The following ZNF236 variants were observed in gnomAD, a reference collection of about 807,000 sequenced individuals.
The protein encoded by ZNF236 is regulated by glucose.
A neutral mutation model predicts 191.2 loss-of-function variants in ZNF236; 50 were observed. The observed-to-expected ratio is 0.26, with a 90% CI of 0.21 to 0.33. The LOEUF (loss-of-function observed/expected upper bound fraction) is 0.33. Ranked by LOEUF, ZNF236 falls within the 10% of genes least tolerant of loss-of-function variation. The pLI, the probability that ZNF236 is intolerant of heterozygous loss-of-function variation, is 1.00. For synonymous variants in ZNF236, 907 were observed against 928.8 expected (o/e 0.98, Z 0.43); for missense variants, 1,754 against 2,374.5 (o/e 0.74, Z 5.43).
intron 27 of ZNF236, among the ~76,000 whole-genome samples, chr18:76,951,668 G>T (rs1474744871): frequency 6.6e-6 from 1 of 152,210 alleles, no homozygotes; most frequent in Non-Finnish European, 1.5e-5. Context: ...GGGCTCACTG[G>T]ATAACACTTT....
chr18:76,956,188 C>G lies in ZNF236; in HGVS notation c.5112+6C>G. 1 of 1,544,694 alleles carries G rather than the reference C, an allele frequency of 6.5e-7. No homozygotes were observed. Among genetic ancestry groups the G allele is most frequent in the Non-Finnish European group, 8.7e-7 (1 of 1,147,622 alleles). On this transcript the variant is annotated splice_donor_region_variant and intron_variant, in intron 28 of 30. Coordinates refer to ENST00000320610, the MANE Select transcript of ZNF236 (RefSeq NM_001306089.2). Reference sequence around the variant, plus strand: ...AGCGCGCCACGCACCTCAAGGTAGGCCCACTGTGCCAGGGCACAGCTGTGT... The same window carrying G: ...AGCGCGCCACGCACCTCAAGGTAGGGCCACTGTGCCAGGGCACAGCTGTGT...
Position 76,937,277 on chromosome 18 carries a change from G to A in ZNF236, c.4716G>A (p.Thr1572=), listed in dbSNP as rs531156395. 17 of 1,614,134 alleles carry A rather than the reference G, an allele frequency of 1.1e-5. No homozygotes were observed. The highest frequency in any genetic ancestry group is 3.3e-5 in the South Asian group (3 of 91,082). Residue 1572 remains threonine, a synonymous_variant, in exon 26 of 31, where the codon ACG becomes ACA. Coordinates refer to ENST00000320610, the MANE Select transcript of ZNF236 (RefSeq NM_001306089.2). ...GVGGDASVTL[T]LADTQGMLSG... Reference sequence around the variant, plus strand: ...GAGGTGACGCTAGTGTCACGCTGACGCTGGCCGATACTCAGGGTATGCTAT... The same window carrying A: ...GAGGTGACGCTAGTGTCACGCTGACACTGGCCGATACTCAGGGTATGCTAT...
intron 1 of ZNF236, among the ~76,000 whole-genome samples, chr18:76,838,006 T>G (rs11664412): frequency 0.19 from 28,262 of 152,206 alleles, 2,819 homozygotes; most frequent in East Asian, 0.37. Context: ...CACAAATTGT[T>G]GGTGGTACAT....
Position 76,968,668 on chromosome 18 carries a change from T to C in ZNF236, c.*329T>C. ...TACTATCATTGTAGTGTGATTTCTT[T>C]GTATTAGCAAAGACAAAAACGCTAA... On this transcript the variant is annotated 3_prime_UTR_variant, in exon 31 of 31. Transcript: ENST00000320610. 3 of 1,040,866 alleles carry C rather than the reference T, an allele frequency of 2.9e-6. No individual in the cohort carries two copies. The South Asian group carries it at 1.1e-4, about 39-fold the overall frequency. 64.5% of individuals were successfully genotyped at this position (1,040,866 alleles called of 1,614,324 possible).
intron 11 of ZNF236, 116 bp downstream of exon 11, chr18:76,899,338 A>G (rs1977524364): frequency 1.1e-6 from 1 of 877,798 alleles, no homozygotes; most frequent in African/African-American, 1.7e-5. Flanking sequence ...TAGGCATAGT[A>G]TTAATGAAGT....
At chr18:76,874,319 G>C (rs1168319055) in intron 5 of ZNF236, among the ~76,000 whole-genome samples, 1 of 152,146 alleles carries the variant, frequency 6.6e-6, no homozygotes, top group African/African-American at 2.4e-5. Flanking sequence ...TATGAACTCA[G>C]CTGCTTTCTG....
intron 6 of ZNF236, 92 bp from the exon 7 acceptor site, chr18:76,877,917 A>T (rs916600880): frequency 2.0e-6 from 2 of 1,024,884 alleles, no homozygotes; most frequent in African/African-American, 3.2e-5. Context: ...GTCATTTTGA[A>T]TGGAATGGTA....
At chr18:76,936,419 A>G (rs143047212) in intron 25 of ZNF236, 103 of 456,720 alleles carry the variant, frequency 2.3e-4, no homozygotes, top group African/African-American at 1.7e-3. Flanking sequence ...CCAGCAAGGT[A>G]CATGAGTGTC....
Position 76,927,606 on chromosome 18 carries a change from G to A in ZNF236, c.4414+89G>A. ...ATATTTGAATTTAGGATGTTATGAT[G>A]TCATTTTCTTCTCTTTGTAGAAGAG... On this transcript the variant is annotated intron_variant, in intron 24 of 30. Transcript: ENST00000320610. The surrounding 1 kb of genome is among the most constrained non-coding windows in gnomAD (Gnocchi z 5.4). The A allele has an allele frequency of 6.7e-7, 1 of 1,481,850 alleles. No individual in the cohort carries two copies. 91.8% of individuals were successfully genotyped at this position (1,481,850 alleles called of 1,614,324 possible).
At chr18:76,938,223 C>T (rs1158871024) in intron 26 of ZNF236, among the ~76,000 whole-genome samples, 1 of 151,908 alleles carries the variant, frequency 6.6e-6, no homozygotes, top group Non-Finnish European at 1.5e-5. Flanking sequence ...AACTCTGTCT[C>T]TACAAAAAAT....
chr18:76,910,300 C>T (rs1967183996), intron 15 of ZNF236, 131 bp downstream of exon 15: 9 of 771,060 alleles, frequency 1.2e-5, no homozygotes, highest in Non-Finnish European at 1.8e-5. Context: ...TAACTTTTTG[C>T]ATGCATTGTA....
In ZNF236 at chr18:76,965,469, T is replaced by C. The variant is rs530258642; in HGVS notation, c.5420-2746T>C. On this transcript the variant is annotated intron_variant, in intron 30 of 30. Transcript: ENST00000320610. ...GGAGCTGTTAAAGAGCCTTGTTTTGTCATATTACCAGAGTTGGTTTTTCTG... is the reference window on the plus strand; with the variant it reads ...GGAGCTGTTAAAGAGCCTTGTTTTGCCATATTACCAGAGTTGGTTTTTCTG... Among the ~76,000 whole-genome samples, 15 of 152,330 alleles carry C rather than the reference T, an allele frequency of 9.8e-5. No individual in the cohort carries two copies. The South Asian group carries it at 3.1e-3, about 32-fold the overall frequency.
chr18:76,918,467 C>A (rs1323492919), intron 19 of ZNF236, among the ~76,000 whole-genome samples: 3 of 152,168 alleles, frequency 2.0e-5, no homozygotes, highest in African/African-American at 7.2e-5. Context: ...CTCTGTCACC[C>A]AGGCAGGAGT....
rs1386885293 is a variant in ZNF236 at position 76,927,368 on chromosome 18, G to A, written c.4265G>A (p.Ser1422Asn). 1 of 1,614,074 alleles carries A rather than the reference G, an allele frequency of 6.2e-7. No homozygotes were observed. Among genetic ancestry groups the A allele is most frequent in the African/African-American group, 1.3e-5 (1 of 74,924 alleles). Residue 1422 changes from serine (S) to asparagine (N), a missense_variant, in exon 24 of 31, where the codon AGC (serine) becomes AAC (asparagine). By Grantham distance (46) the Ser-to-Asn change is conservative. Coordinates refer to ENST00000320610, the MANE Select transcript of ZNF236 (RefSeq NM_001306089.2). This position sits in a 1 kb window ranked among gnomAD's most constrained non-coding sequence, Gnocchi z 5.4. ...TGEPGLAPQN[S>N]SLQTSDSTVP... ...GAGCCTGGCCTGGCCCCACAGAACAGCTCTCTCCAGACATCGGACAGCACG... is the reference window on the plus strand; with the variant it reads ...GAGCCTGGCCTGGCCCCACAGAACAACTCTCTCCAGACATCGGACAGCACG...
rs1346678682 is a variant in ZNF236, at chr18:76,912,143, A to G, written c.2806-101A>G. On this transcript the variant is annotated intron_variant, in intron 16 of 30. Transcript: ENST00000320610. Reference sequence around the variant, plus strand: ...TGGGGTTTCTCTCTCTTAGATCCACATTTTATGAATGTTCTTATCCTTAGT... The same window carrying G: ...TGGGGTTTCTCTCTCTTAGATCCACGTTTTATGAATGTTCTTATCCTTAGT... 7.1e-6 allele frequency: 6 copies of G among 844,306 alleles called. No homozygotes were observed. In the Admixed American group the frequency reaches 1.1e-4, roughly 15 times the overall value. The allele number at this position is 844,306 out of a possible 1,614,324, so 52.3% of individuals were successfully genotyped here. A position where few individuals can be genotyped will look rare whatever the true frequency, so the allele number is the denominator to read the frequency against.
chr18:76,913,030 G>C (rs1217874763), intron 17 of ZNF236, among the ~76,000 whole-genome samples: 7 of 152,234 alleles, frequency 4.6e-5, no homozygotes. Context: ...AGGAAAGTTA[G>C]TTGCCTCTAC....
rs192400377 is a variant in ZNF236 at position 76,829,385 on chromosome 18, T to C, written c.55+6723T>C. On this transcript the variant is annotated intron_variant, in intron 1 of 30. Transcript: ENST00000320610. Reference sequence around the variant, plus strand: ...CTCTGTCGCCCAGGCTGGAGTGCAGTGCTATGATCTCGGCTCACTGTAATC... The same window carrying C: ...CTCTGTCGCCCAGGCTGGAGTGCAGCGCTATGATCTCGGCTCACTGTAATC... Among the ~76,000 whole-genome samples the C allele has an allele frequency of 9.3e-5, 14 of 150,896 alleles. 1 individual carries two copies. In the East Asian group the frequency reaches 2.7e-3, roughly 29 times the overall value.
chr18:76,912,615 G>A (rs1015403801), intron 17 of ZNF236, among the ~76,000 whole-genome samples: 3 of 152,128 alleles, frequency 2.0e-5, no homozygotes, highest in African/African-American at 4.8e-5. Flanking sequence ...GCAGCTTCCC[G>A]TCACTGTTTT....
intron 19 of ZNF236, among the ~76,000 whole-genome samples, chr18:76,916,487 G>T (rs1473923377): frequency 6.6e-6 from 1 of 152,114 alleles, no homozygotes; most frequent in African/African-American, 2.4e-5. Flanking sequence ...CATTTTGTAC[G>T]CTAGCCAGCT....
Sources: allele counts gnomAD v4.1 joint callset (sites outside exome capture counted in the v4.1 genomes callset), GRCh38; gene constraint gnomAD v4.1.1; non-coding constraint Gnocchi (gnomAD v3.1); transcripts MANE v1.5; gene names NCBI Gene and HGNC (gene_info 2026-07-23, HGNC 2026-07-21).